The following FUBP3 variants were observed in gnomAD, a reference collection of about 807,000 sequenced individuals.
The protein encoded by FUBP3 is far upstream element binding protein 3, also known as far upstream element-binding protein 3.
Under a neutral mutation model 85.6 loss-of-function variants are expected in FUBP3, and 28 were observed. That is an observed-to-expected ratio of 0.33 (90% confidence interval 0.24 to 0.45). FUBP3 has a LOEUF of 0.45. Ranked by LOEUF, FUBP3 falls within the 20% of genes least tolerant of loss-of-function variation. The pLI is 1.00. For synonymous variants in FUBP3, 271 were observed against 271.4 expected (o/e 1.00, Z 0.01); for missense variants, 583 against 755.1 (o/e 0.77, Z 2.67).
At chr9:130,581,663 T>C (rs1336533641) in intron 1 of FUBP3, 1 of 152,232 alleles carries the variant, frequency 6.6e-6, no homozygotes, top group Non-Finnish European at 1.5e-5. Flanking sequence ...TTCTTTGTTA[T>C]ATACACAGCA....
intron 6 of FUBP3, among the ~76,000 whole-genome samples, chr9:130,615,523 G>A (rs1831958829): frequency 6.6e-6 from 1 of 152,144 alleles, no homozygotes; most frequent in African/African-American, 2.4e-5. Flanking sequence ...ATTGTGTGTG[G>A]CAATTTAGAG....
chr9:130,629,255 C>T (rs1830116653), intron 12 of FUBP3, among the ~76,000 whole-genome samples: 2 of 152,152 alleles, frequency 1.3e-5, no homozygotes, highest in Non-Finnish European at 2.9e-5. Context: ...ACAGGCGGGT[C>T]TGGCCAGGGT....
chr9:130,630,105 T>C (rs1830152243), intron 12 of FUBP3, among the ~76,000 whole-genome samples: 1 of 152,184 alleles, frequency 6.6e-6, no homozygotes, highest in South Asian at 2.1e-4. Context: ...CAGGGTGGGA[T>C]ACTGAAGGCC....
At chr9:130,633,142 C>T (rs112337376) in intron 16 of FUBP3, among the ~76,000 whole-genome samples, 1 of 152,248 alleles carries the variant, frequency 6.6e-6, no homozygotes, top group Admixed American at 6.5e-5. Context: ...CCTGCCTTCT[C>T]TGGAGCTCCA....
rs1554745974 is a variant in FUBP3 at position 130,628,128 on chromosome 9, C to CACACACA, written c.1117+1623_1117+1624insACACACA. On this transcript the variant is annotated intron_variant, in intron 12 of 18. Coordinates refer to ENST00000319725, the MANE Select transcript of FUBP3 (RefSeq NM_003934.2). ...CGCACACACACACACACACACACACCCCCTACCCCTCAGGGCCCATGTGAG... is the reference window on the plus strand; with the variant it reads ...CGCACACACACACACACACACACACCACACACACCCTACCCCTCAGGGCCCATGTGAG... Among the ~76,000 whole-genome samples, 11 of 140,854 alleles carry CACACACA rather than the reference C, an allele frequency of 7.8e-5. No individual in the cohort carries two copies. In the South Asian group the frequency reaches 1.3e-3, roughly 16 times the overall value. 92.4% of individuals were successfully genotyped at this position (140,854 alleles called of 152,430 possible).
At chr9:130,594,439 C>T (rs1019956035) in intron 1 of FUBP3, among the ~76,000 whole-genome samples, 3 of 151,782 alleles carry the variant, frequency 2.0e-5, no homozygotes, top group South Asian at 2.1e-4. Context: ...AAAAATTAGC[C>T]GGGCGTGGTG....
intron 11 of FUBP3, among the ~76,000 whole-genome samples, chr9:130,625,793 G>A (rs1829946700): frequency 6.6e-6 from 1 of 152,160 alleles, no homozygotes; most frequent in South Asian, 2.1e-4. Context: ...TCCCTGAATG[G>A]TCACTCTTGA....
intron 9 of FUBP3, 112 bp downstream of exon 9, chr9:130,620,570 C>A: frequency 1.9e-6 from 1 of 524,220 alleles, no homozygotes; most frequent in Non-Finnish European, 3.4e-6. Flanking sequence ...GTCTCAAAAC[C>A]TTAAGAATTC....
chr9:130,590,936 T>G (rs1830595610), intron 1 of FUBP3, among the ~76,000 whole-genome samples: 1 of 152,190 alleles, frequency 6.6e-6, no homozygotes, highest in Non-Finnish European at 1.5e-5. Flanking sequence ...ACATACCATT[T>G]ACTTGGACTC....
intron 1 of FUBP3, 51 bp from the exon 2 acceptor site, chr9:130,595,432 A>G: frequency 1.1e-6 from 1 of 901,216 alleles, no homozygotes; most frequent in Non-Finnish European, 1.9e-6. Context: ...TTTCTCCCTC[A>G]GATAGAGCCA....
At chr9:130,608,403 C>T (rs1427046082) in intron 2 of FUBP3, among the ~76,000 whole-genome samples, 1 of 152,186 alleles carries the variant, frequency 6.6e-6, no homozygotes, top group Non-Finnish European at 1.5e-5. Flanking sequence ...GGTACTCTGT[C>T]GTTGACATTC....
intron 11 of FUBP3, among the ~76,000 whole-genome samples, chr9:130,626,078 C>T (rs991070885): frequency 1.4e-4 from 21 of 152,138 alleles, no homozygotes; most frequent in Admixed American, 1.2e-3. Context: ...GGAGAAAGGC[C>T]GCTGGGCTTC....
rs181735460 is a variant in FUBP3, at chr9:130,635,669, C to A, written c.1583-330C>A. On this transcript the variant is annotated intron_variant, in intron 17 of 18. Coordinates refer to ENST00000319725, the MANE Select transcript of FUBP3 (RefSeq NM_003934.2). The surrounding 1 kb of genome is among the most constrained non-coding windows in gnomAD (Gnocchi z 4.3). ...CAAGTTAGGTACTCCCCTTCTCCCC[C>A]ACCCCCACCCCAGGATCCCCCCTTC... 0.012 allele frequency among the ~76,000 whole-genome samples: 1,769 copies of A among 152,160 alleles called. 40 individuals carry two copies. The highest frequency in any genetic ancestry group is 0.037 in the African/African-American group (1,548 of 41,484).
intron 1 of FUBP3, among the ~76,000 whole-genome samples, chr9:130,594,053 A>T (rs895422921): frequency 6.6e-6 from 1 of 152,140 alleles, no homozygotes; most frequent in African/African-American, 2.4e-5. Context: ...TCCAGTAAAG[A>T]CAAGCTTATG....
intron 12 of FUBP3, 128 bp from the exon 13 acceptor site, chr9:130,630,500 C>T: frequency 1.6e-6 from 1 of 626,488 alleles, no homozygotes; most frequent in South Asian, 2.6e-5. Flanking sequence ...GACAACTTCT[C>T]TACTGTCAGG....
At chr9:130,594,689 A>G (rs1830778340) in intron 1 of FUBP3, among the ~76,000 whole-genome samples, 1 of 152,010 alleles carries the variant, frequency 6.6e-6, no homozygotes, top group Non-Finnish European at 1.5e-5. Flanking sequence ...AGCTTGGAAA[A>G]TTGAGGGTAC....
At chr9:130,603,978 A>G (rs973284096) in intron 2 of FUBP3, among the ~76,000 whole-genome samples, 1 of 152,210 alleles carries the variant, frequency 6.6e-6, no homozygotes, top group Non-Finnish European at 1.5e-5. Context: ...CCCAAACTGA[A>G]AACAGCCCAC....
intron 12 of FUBP3, among the ~76,000 whole-genome samples, chr9:130,629,572 C>G (rs57851413): frequency 0.08 from 12,111 of 152,136 alleles, 977 homozygotes; most frequent in African/African-American, 0.2. Context: ...GCTGTTGAGG[C>G]AGGGCTTTTC....
At position 130,621,364 on chromosome 9, in the gene FUBP3, A is replaced by G. The variant is rs150529270; in HGVS notation, c.771+906A>G. Among the ~76,000 whole-genome samples, 236 of 152,270 alleles carry G rather than the reference A, an allele frequency of 1.5e-3. 1 individual carries two copies. Among genetic ancestry groups the G allele is most frequent in the Non-Finnish European group, 2.8e-3 (192 of 68,016 alleles). On this transcript the variant is annotated intron_variant, in intron 9 of 18. Coordinates refer to ENST00000319725, the MANE Select transcript of FUBP3 (RefSeq NM_003934.2). Reference sequence around the variant, plus strand: ...ATTTTAAATTAGCCTAGTGTGGCACATTCCTATAGTCCCAGCTGTTCTAGA... The same window carrying G: ...ATTTTAAATTAGCCTAGTGTGGCACGTTCCTATAGTCCCAGCTGTTCTAGA...
Sources: allele counts gnomAD v4.1 joint callset (sites outside exome capture counted in the v4.1 genomes callset), GRCh38; gene constraint gnomAD v4.1.1; non-coding constraint Gnocchi (gnomAD v3.1); transcripts MANE v1.5; gene names NCBI Gene and HGNC (gene_info 2026-07-23, HGNC 2026-07-21).